The following PRKN variants were observed in gnomAD, a reference collection of about 807,000 sequenced individuals.
The protein encoded by PRKN is E3 ubiquitin-protein ligase parkin.
Under a neutral mutation model 59.5 loss-of-function variants are expected in PRKN, and 56 were observed. That is an observed-to-expected ratio of 0.94 (90% CI 0.76 to 1.18). The LOEUF is 1.18. Ranked by LOEUF, PRKN falls within the 50% of genes most tolerant of loss-of-function variation. The pLI is 0.00. For synonymous variants in PRKN, 250 were observed against 222.1 expected, an observed-to-expected ratio of 1.13 and a Z score of -1.12; for missense variants, 657 against 596.4, an observed-to-expected ratio of 1.10 and a Z score of -1.06.
At chr6:162,526,519 G>A (rs1450965774) in intron 1 of PRKN, among the ~76,000 whole-genome samples, 1 of 151,622 alleles carries the variant, frequency 6.6e-6, no homozygotes, top group South Asian at 2.1e-4. Context: ...GCCTGGTGGC[G>A]CATGCCTGCA....
chr6:161,556,331 T>C (rs1032254424), intron 8 of PRKN, among the ~76,000 whole-genome samples: 5 of 152,190 alleles, frequency 3.3e-5, no homozygotes, highest in African/African-American at 9.6e-5. Flanking sequence ...AATATGCCTA[T>C]TGAAAGTATT....
At chr6:162,416,995 T>A (rs1482616491) in intron 2 of PRKN, among the ~76,000 whole-genome samples, 2 of 152,188 alleles carry the variant, frequency 1.3e-5, no homozygotes, top group Non-Finnish European at 1.5e-5. Flanking sequence ...TCTATAGCTC[T>A]TCTGCTCCAG....
intron 9 of PRKN, among the ~76,000 whole-genome samples, chr6:161,486,601 T>A (rs1321457904): frequency 2.0e-5 from 3 of 152,132 alleles, no homozygotes; most frequent in Non-Finnish European, 4.4e-5. Context: ...CCTGCGTTCT[T>A]TTTGGTTCAC....
rs950302098 is a variant in PRKN at position 161,552,832 on chromosome 6, C to T, written c.934-3829G>A. ...TTTTTTAGACGGAGTCTCGTTGTTA[C>T]GCGGCTGGAGTACAGTGGCGCAATC... On this transcript the variant is annotated intron_variant, in intron 8 of 11. Coordinates refer to ENST00000366898, the MANE Select transcript of PRKN (RefSeq NM_004562.3). The surrounding 1 kb of genome is among the most constrained non-coding windows in gnomAD (Gnocchi z 4.9). Among the ~76,000 whole-genome samples, 5 of 143,830 alleles carry T rather than the reference C, an allele frequency of 3.5e-5. No homozygotes were observed. The highest frequency in any genetic ancestry group is 5.1e-5 in the African/African-American group (2 of 39,392). 94.4% of individuals were successfully genotyped at this position (143,830 alleles called of 152,430 possible).
chr6:162,568,649 G>T, intron 1 of PRKN: 1 of 927,734 alleles, frequency 1.1e-6, no homozygotes, highest in Non-Finnish European at 1.8e-6. Context: ...GGTTCCTGGA[G>T]CAGCAGAACA....
chr6:161,588,762 A>C lies in PRKN; in HGVS notation c.872-19346T>G, dbSNP rs1781608958. ...GGACACCATCATCTCTAGAAAATAA[A>C]CCCAAAGTGGCTCTTGAGAGAAGGA... On this transcript the variant is annotated intron_variant, in intron 7 of 11. Coordinates refer to ENST00000366898, the MANE Select transcript of PRKN (RefSeq NM_004562.3). The surrounding 1 kb of genome is among the most constrained non-coding windows in gnomAD (Gnocchi z 5.0). Among the ~76,000 whole-genome samples, 1 of 152,162 alleles carries C rather than the reference A, an allele frequency of 6.6e-6. No individual in the cohort carries two copies. The highest frequency in any genetic ancestry group is 2.4e-5 in the African/African-American group (1 of 41,440).
At chr6:161,453,225 G>A (rs116745780) in intron 9 of PRKN, among the ~76,000 whole-genome samples, 1,971 of 152,260 alleles carry the variant, frequency 0.013, 49 homozygotes, top group African/African-American at 0.044. Context: ...TTAGGAGGGC[G>A]GGGAGTCAGA....
In PRKN at chr6:161,466,828, G is replaced by C. The variant is rs1001927048; in HGVS notation, c.1084-79951C>G. Among the ~76,000 whole-genome samples the C allele has an allele frequency of 6.6e-6, 1 of 152,236 alleles. No individual in the cohort carries two copies. Among genetic ancestry groups the C allele is most frequent in the Non-Finnish European group, 1.5e-5 (1 of 68,042 alleles). ...TGGAATCTCAGGGTTCTCTTGGCAA[G>C]ACTATGGTTCTCAGATGGGCATACA... On this transcript the variant is annotated intron_variant, in intron 9 of 11. Transcript: ENST00000366898. The surrounding 1 kb of genome is among the most constrained non-coding windows in gnomAD (Gnocchi z 5.0).
intron 4 of PRKN, among the ~76,000 whole-genome samples, chr6:162,081,724 A>G (rs1779069868): frequency 6.6e-6 from 1 of 152,104 alleles, no homozygotes; most frequent in Non-Finnish European, 1.5e-5. Context: ...CTAACAAGAG[A>G]GTCAGCCTGT....
rs983774143 is a variant in PRKN at position 162,084,606 on chromosome 6, C to T, written c.535-30432G>A. On this transcript the variant is annotated intron_variant, in intron 4 of 11. Coordinates refer to ENST00000366898, the MANE Select transcript of PRKN (RefSeq NM_004562.3). ...TAATTGTGTTATACTGTTGCTATAG[C>T]TATGCAGATTATCTGAGAGATACCT... Among the ~76,000 whole-genome samples the T allele has an allele frequency of 2.0e-5, 3 of 152,046 alleles. No individual in the cohort carries two copies. The East Asian group carries it at 5.8e-4, about 29-fold the overall frequency.
chr6:162,047,099 A>C (rs577872261), intron 5 of PRKN, among the ~76,000 whole-genome samples: 94 of 152,304 alleles, frequency 6.2e-4, no homozygotes, highest in African/African-American at 2.1e-3. Context: ...TCATAATCTG[A>C]GTTTGACTTC....
intron 9 of PRKN, among the ~76,000 whole-genome samples, chr6:161,494,177 AAAAT>A (rs1272834711): frequency 4.0e-5 from 6 of 151,630 alleles, no homozygotes; most frequent in Non-Finnish European, 5.9e-5. Context: ...TAAAAAATAA[AAAAT>A]AAATAAATAA....
At chr6:161,449,295 C>T (rs1413831926) in intron 9 of PRKN, among the ~76,000 whole-genome samples, 1 of 152,138 alleles carries the variant, frequency 6.6e-6, no homozygotes. Context: ...GATCACTTGC[C>T]TTCAACAACT....
intron 2 of PRKN, among the ~76,000 whole-genome samples, chr6:162,366,980 T>A (rs919120285): frequency 6.6e-6 from 1 of 152,192 alleles, no homozygotes; most frequent in Non-Finnish European, 1.5e-5. Flanking sequence ...TACAGTTTGA[T>A]ATGGTTTGGC....
chr6:161,787,889 G>A (rs1451098556), intron 6 of PRKN, among the ~76,000 whole-genome samples: 4 of 152,210 alleles, frequency 2.6e-5, no homozygotes, highest in Admixed American at 1.3e-4. Flanking sequence ...GCAGTGAGCC[G>A]AGATCGCACC....
intron 2 of PRKN, among the ~76,000 whole-genome samples, chr6:162,315,235 A>C (rs1782701284): frequency 6.6e-6 from 1 of 152,194 alleles, no homozygotes; most frequent in East Asian, 1.9e-4. Context: ...ATGTGCTAAA[A>C]GTGGTAATTG....
At chr6:162,625,466 G>A (rs1459731321) in intron 1 of PRKN, among the ~76,000 whole-genome samples, 5 of 152,212 alleles carry the variant, frequency 3.3e-5, no homozygotes, top group South Asian at 4.1e-4. Context: ...CGGCATGGCA[G>A]CCAGTGCTCA....
intron 5 of PRKN, among the ~76,000 whole-genome samples, chr6:161,992,155 A>C (rs1171940340): frequency 6.6e-6 from 1 of 152,154 alleles, no homozygotes; most frequent in African/African-American, 2.4e-5. Context: ...CCTGGCCAAC[A>C]TGGTGAAACC....
intron 6 of PRKN, among the ~76,000 whole-genome samples, chr6:161,902,576 T>TTTTTTTTTTTTTTTTTTTTGTA (rs1777973713): frequency 1.1e-5 from 1 of 89,702 alleles, no homozygotes. Context: ...TTTTTTTTTT[T>TTTTTTTTTTTTTTTTTTTTGTA]TGCGACAGAG....
Sources: gnomAD v4.1 joint callset for allele counts (sites outside exome capture counted in the v4.1 genomes callset) on GRCh38, gnomAD v4.1.1 for gene constraint, Gnocchi (gnomAD v3.1) non-coding constraint, MANE v1.5 for transcripts, NCBI Gene and HGNC (gene_info 2026-07-23, HGNC 2026-07-21) for gene names.